The following TRMT11 variants were observed in gnomAD, a reference collection of about 807,000 sequenced individuals.
TRMT11 encodes the protein tRNA (guanine(10)-N(2))-methyltransferase TRMT11.
In TRMT11, 53 loss-of-function variants were observed where a neutral mutation model predicts 62.8. The ratio of observed to expected loss-of-function variants is 0.84; its 90% CI spans 0.68 to 1.06. The LOEUF (loss-of-function observed/expected upper bound fraction) is 1.06. Ranked by LOEUF, TRMT11 falls within the 50% of genes least tolerant of loss-of-function variation. TRMT11 has a pLI of 0.00. For synonymous variants in TRMT11, 188 were observed against 190.3 expected (o/e 0.99, Z 0.10); for missense variants, 556 against 553.4 (o/e 1.00, Z -0.05).
At chr6:125,999,815 T>C (rs1209413466) in intron 7 of TRMT11, among the ~76,000 whole-genome samples, 1 of 152,210 alleles carries the variant, frequency 6.6e-6, no homozygotes, top group Non-Finnish European at 1.5e-5. Flanking sequence ...TAGAATTGTA[T>C]GGGTTTTATT....
At chr6:125,993,146 G>A (rs1790903612) in intron 1 of TRMT11, among the ~76,000 whole-genome samples, 1 of 152,104 alleles carries the variant, frequency 6.6e-6, no homozygotes, top group African/African-American at 2.4e-5. Context: ...TGTGATTTAA[G>A]GAGATAACTT....
intron 17 of TRMT11, among the ~76,000 whole-genome samples, chr6:126,080,108 G>T (rs1488723756): frequency 6.6e-6 from 1 of 151,854 alleles, no homozygotes; most frequent in Non-Finnish European, 1.5e-5. Flanking sequence ...TGTTGTTGTT[G>T]TTGTTTTTTT....
chr6:126,046,553 G>A (rs182187517), intron 16 of TRMT11, among the ~76,000 whole-genome samples: 1 of 152,306 alleles, frequency 6.6e-6, no homozygotes, highest in East Asian at 1.9e-4. Context: ...AAGATGATTA[G>A]GGATGGGGCC....
intron 1 of TRMT11, among the ~76,000 whole-genome samples, chr6:126,183,880 G>C (rs544465982): frequency 5.3e-5 from 8 of 152,044 alleles, no homozygotes; most frequent in Admixed American, 6.5e-5. Flanking sequence ...CTGAGAGAGA[G>C]TTACCTCAGC....
At chr6:126,009,369 T>G (rs1331581422) in intron 8 of TRMT11, 1 of 152,004 alleles carries the variant, frequency 6.6e-6, no homozygotes, top group Admixed American at 6.6e-5. Context: ...TCTAGAAGCT[T>G]CAATAATGAT....
intron 21 of TRMT11, among the ~76,000 whole-genome samples, chr6:126,171,181 A>G (rs1464325168): frequency 6.6e-6 from 1 of 152,138 alleles, no homozygotes; most frequent in Non-Finnish European, 1.5e-5. Context: ...AACTGGGGAG[A>G]TAGATAACTA....
chr6:126,062,082 G>A (rs1215965572), intron 17 of TRMT11, among the ~76,000 whole-genome samples: 1 of 152,092 alleles, frequency 6.6e-6, no homozygotes, highest in African/African-American at 2.4e-5. Context: ...TAGAGATGAG[G>A]TTTTACTATG....
the TRMT11 span, among the ~76,000 whole-genome samples, chr6:126,234,371 ATATT>A: frequency 6.6e-6 from 1 of 152,152 alleles, no homozygotes; most frequent in African/African-American, 2.4e-5. Context: ...TACTATTTTC[ATATT>A]TATTTAATTT....
chr6:126,078,841 G>T (rs1451612113), intron 17 of TRMT11, among the ~76,000 whole-genome samples: 1 of 152,162 alleles, frequency 6.6e-6, no homozygotes, highest in Non-Finnish European at 1.5e-5. Flanking sequence ...AGAACTCATG[G>T]TAACGAGTCA....
intron 17 of TRMT11, among the ~76,000 whole-genome samples, chr6:126,086,097 A>T (rs989050946): frequency 1.3e-5 from 2 of 152,222 alleles, no homozygotes; most frequent in African/African-American, 4.8e-5. Flanking sequence ...TATTAAAAGG[A>T]TGCATTTTCT....
At chr6:126,031,664 G>C (rs1455706910) in intron 12 of TRMT11, among the ~76,000 whole-genome samples, 3 of 152,166 alleles carry the variant, frequency 2.0e-5, no homozygotes, top group Admixed American at 6.5e-5. Context: ...ACTGAGCAGT[G>C]GGGGAGGATC....
At chr6:126,181,780 G>C (rs1340543855) in intron 1 of TRMT11, among the ~76,000 whole-genome samples, 1 of 152,134 alleles carries the variant, frequency 6.6e-6, no homozygotes, top group Non-Finnish European at 1.5e-5. Context: ...TCTAATATCT[G>C]GCCTGTTTTC....
chr6:126,018,316 G>GTA (rs1209113060), intron 11 of TRMT11, among the ~76,000 whole-genome samples: 1 of 152,096 alleles, frequency 6.6e-6, no homozygotes, highest in Non-Finnish European at 1.5e-5. Flanking sequence ...GCTGTTTTTA[G>GTA]TAAATGTTCA....
At chr6:126,192,089 T>G (rs999979762) in intron 1 of TRMT11, among the ~76,000 whole-genome samples, 2 of 152,120 alleles carry the variant, frequency 1.3e-5, no homozygotes, top group Non-Finnish European at 2.9e-5. Flanking sequence ...ACACAGGATA[T>G]CTTTCCATAT....
At chr6:126,096,399 C>T (rs1777340019) in intron 17 of TRMT11, among the ~76,000 whole-genome samples, 2 of 152,152 alleles carry the variant, frequency 1.3e-5, no homozygotes, top group Admixed American at 6.5e-5. Flanking sequence ...ATAGGTCACC[C>T]TCTGTGGTGT....
the TRMT11 span, among the ~76,000 whole-genome samples, chr6:126,248,944 C>T: frequency 6.6e-6 from 1 of 151,974 alleles, no homozygotes; most frequent in Admixed American, 6.5e-5. Flanking sequence ...GATTATTGTC[C>T]CCTGGGATGT....
At chr6:126,223,348 G>C in the TRMT11 span, among the ~76,000 whole-genome samples, 1 of 152,134 alleles carries the variant, frequency 6.6e-6, no homozygotes, top group African/African-American at 2.4e-5. Flanking sequence ...ATGAACCCGG[G>C]AGGTGGAGCT....
downstream of TRMT11, among the ~76,000 whole-genome samples, chr6:126,039,540 G>A (rs930141962): frequency 6.6e-6 from 1 of 152,052 alleles, no homozygotes; most frequent in Non-Finnish European, 1.5e-5. Flanking sequence ...GTAACGGATA[G>A]TTAAAAGCAG....
intron 21 of TRMT11, among the ~76,000 whole-genome samples, chr6:126,116,428 T>C (rs1049918524): frequency 3.3e-5 from 5 of 152,090 alleles, no homozygotes; most frequent in Admixed American, 6.6e-5. Context: ...TAGTAATCCA[T>C]AGTGGCATTT....
Sources: allele counts gnomAD v4.1 joint callset (sites outside exome capture counted in the v4.1 genomes callset), GRCh38; gene constraint gnomAD v4.1.1; transcripts MANE v1.5; gene names NCBI Gene and HGNC (gene_info 2026-07-23, HGNC 2026-07-21).